The following GRIN3A variants were observed in gnomAD, a reference collection of about 807,000 sequenced individuals.
GRIN3A encodes glutamate ionotropic receptor NMDA type subunit 3A, also known as glutamate receptor ionotropic, NMDA 3A.
GRIN3A carries 47 observed loss-of-function variants against 92.4 expected under a neutral mutation model. That is an observed-to-expected ratio of 0.51 (90% CI 0.40 to 0.65). The LOEUF (loss-of-function observed/expected upper bound fraction) is 0.65, where lower values mean the gene tolerates loss of function less well. Among genes scored for constraint, GRIN3A ranks in the 30% least tolerant of loss-of-function variants. The pLI is 0.00. For synonymous variants in GRIN3A, 527 were observed against 540.6 expected, an observed-to-expected ratio of 0.97 and a Z score of 0.35; for missense variants, 1,324 against 1,393.1, an observed-to-expected ratio of 0.95 and a Z score of 0.79.
chr9:101,716,215 T>A (rs1225746020), intron 1 of GRIN3A, among the ~76,000 whole-genome samples: 1 of 152,174 alleles, frequency 6.6e-6, no homozygotes, highest in Non-Finnish European at 1.5e-5. Context: ...AGTTTTTTTT[T>A]AAACACACAC....
Position 101,738,209 on chromosome 9 carries a change from C to G in GRIN3A, c.-230G>C, listed in dbSNP as rs1372751378. 6.7e-6 allele frequency: 4 copies of G among 599,188 alleles called. No homozygotes were observed. Among genetic ancestry groups the G allele is most frequent in the African/African-American group, 1.9e-5 (1 of 53,966 alleles). 37.1% of individuals were successfully genotyped at this position (599,188 alleles called of 1,614,324 possible). Reference sequence around the variant, plus strand: ...CTCCGCCTGGCATCCTCTGCCCGCCCGGTCACTGCGCTGAGCAGGCAGGCG... The same window carrying G: ...CTCCGCCTGGCATCCTCTGCCCGCCGGGTCACTGCGCTGAGCAGGCAGGCG... On this transcript the variant is annotated 5_prime_UTR_variant, in exon 1 of 9. Coordinates refer to ENST00000361820, the MANE Select transcript of GRIN3A (RefSeq NM_133445.3).
At chr9:101,656,532 G>C (rs1829090447) in intron 3 of GRIN3A, among the ~76,000 whole-genome samples, 1 of 151,884 alleles carries the variant, frequency 6.6e-6, no homozygotes, top group East Asian at 1.9e-4. Flanking sequence ...GGATCATATG[G>C]AAACTGACCT....
chr9:101,674,349 C>T (rs1829365546), intron 2 of GRIN3A, among the ~76,000 whole-genome samples: 1 of 152,066 alleles, frequency 6.6e-6, no homozygotes, highest in Admixed American at 6.6e-5. Context: ...AATGCTTCTT[C>T]CTTCTTTCTT....
intron 3 of GRIN3A, among the ~76,000 whole-genome samples, chr9:101,661,995 C>T (rs888560874): frequency 1.3e-5 from 2 of 151,660 alleles, no homozygotes; most frequent in South Asian, 4.2e-4. Flanking sequence ...TATTTATTTC[C>T]TGAATTACTG....
chr9:101,640,277 A>T (rs538893369), intron 3 of GRIN3A, among the ~76,000 whole-genome samples: 1 of 152,320 alleles, frequency 6.6e-6, no homozygotes, highest in African/African-American at 2.4e-5. Context: ...CTGCTGCATG[A>T]ATCACAAGAG....
At chr9:101,663,245 G>C (rs1829198452) in intron 3 of GRIN3A, among the ~76,000 whole-genome samples, 1 of 151,632 alleles carries the variant, frequency 6.6e-6, no homozygotes, top group Non-Finnish European at 1.5e-5. Flanking sequence ...CTCCTGCCAG[G>C]CTCCTAGATT....
chr9:101,703,305 T>C (rs1321788937), intron 1 of GRIN3A, among the ~76,000 whole-genome samples: 3 of 152,168 alleles, frequency 2.0e-5, no homozygotes, highest in Non-Finnish European at 4.4e-5. Flanking sequence ...AGTTCCTGTC[T>C]CATACCCTGG....
chr9:101,616,352 A>C (rs564682889), intron 5 of GRIN3A, among the ~76,000 whole-genome samples: 2 of 152,338 alleles, frequency 1.3e-5, no homozygotes, highest in South Asian at 4.1e-4. Context: ...TTTAATAATA[A>C]CATCAGCAGA....
intron 3 of GRIN3A, among the ~76,000 whole-genome samples, chr9:101,649,911 T>A (rs1164270294): frequency 6.6e-6 from 1 of 152,022 alleles, no homozygotes; most frequent in Non-Finnish European, 1.5e-5. Flanking sequence ...GTCTGTTTTG[T>A]CTCTGAGAGT....
At chr9:101,594,490 G>A (rs763447424) in intron 6 of GRIN3A, 10 of 1,613,978 alleles carry the variant, frequency 6.2e-6, no homozygotes, top group African/African-American at 4.0e-5. Context: ...TCTTCCCATC[G>A]CCATCCTTGT....
chr9:101,600,171 G>A (rs897188279), intron 6 of GRIN3A, among the ~76,000 whole-genome samples: 1 of 152,172 alleles, frequency 6.6e-6, no homozygotes, highest in African/African-American at 2.4e-5. Flanking sequence ...GATTAAATGA[G>A]ATAGATTATA....
chr9:101,640,182 C>T (rs1828836990), intron 3 of GRIN3A, among the ~76,000 whole-genome samples: 1 of 152,120 alleles, frequency 6.6e-6, no homozygotes, highest in Non-Finnish European at 1.5e-5. Flanking sequence ...AGCTTTCTAC[C>T]CAGCATTTAC....
intron 4 of GRIN3A, among the ~76,000 whole-genome samples, chr9:101,623,803 T>C (rs1564129204): frequency 6.6e-6 from 1 of 152,250 alleles, no homozygotes; most frequent in Non-Finnish European, 1.5e-5. Flanking sequence ...CATTGTTCTC[T>C]ATACCTTTTA....
At chr9:101,692,015 G>A (rs1469645712) in intron 1 of GRIN3A, among the ~76,000 whole-genome samples, 1 of 152,160 alleles carries the variant, frequency 6.6e-6, no homozygotes, top group Admixed American at 6.6e-5. Context: ...CGCAGAGTGA[G>A]GGCCCATAAG....
chr9:101,606,294 G>C (rs1828280668), intron 6 of GRIN3A, among the ~76,000 whole-genome samples: 1 of 152,156 alleles, frequency 6.6e-6, no homozygotes, highest in African/African-American at 2.4e-5. Context: ...TGTGCCCTGG[G>C]AAGCGGACCT....
intron 2 of GRIN3A, among the ~76,000 whole-genome samples, chr9:101,671,771 C>T (rs1829329133): frequency 6.6e-6 from 1 of 152,120 alleles, no homozygotes; most frequent in Non-Finnish European, 1.5e-5. Flanking sequence ...TCAACTTGCA[C>T]TTTTAAGGAT....
At chr9:101,683,871 AGAGAGAGAGC>A (rs1369733328) in intron 2 of GRIN3A, among the ~76,000 whole-genome samples, 1 of 150,466 alleles carries the variant, frequency 6.6e-6, no homozygotes, top group Non-Finnish European at 1.5e-5. Context: ...AGAGAGAGAG[AGAGAGAGAGC>A]GAGAGAGAAA....
At chr9:101,589,421 A>G (rs59616067) in intron 6 of GRIN3A, among the ~76,000 whole-genome samples, 4,434 of 152,362 alleles carry the variant, frequency 0.029, 181 homozygotes, top group African/African-American at 0.1. Flanking sequence ...ATGCCACCAA[A>G]GATACTGCAA....
rs1828254848 is a variant in GRIN3A at position 101,604,731 on chromosome 9, C to T, written c.2766+8645G>A. ...CAGAAAATACTGCATTAAAACTGCC[C>T]TCCCCCACTGCCCTAACCATTCCCT... On this transcript the variant is annotated intron_variant, in intron 6 of 8. Transcript: ENST00000361820. 1.3e-5 allele frequency among the ~76,000 whole-genome samples: 2 copies of T among 152,118 alleles called. 1 individual carries two copies. Among genetic ancestry groups the T allele is most frequent in the Non-Finnish European group, 2.9e-5 (2 of 68,018 alleles).
Sources: allele counts gnomAD v4.1 joint callset (sites outside exome capture counted in the v4.1 genomes callset), GRCh38; gene constraint gnomAD v4.1.1; transcripts MANE v1.5; gene names NCBI Gene and HGNC (gene_info 2026-07-23, HGNC 2026-07-21).